The following ADAMTS9 variants were observed in gnomAD, a reference collection of about 807,000 sequenced individuals.
The protein encoded by ADAMTS9 is A disintegrin and metalloproteinase with thrombospondin motifs 9.
Under a neutral mutation model 257.1 loss-of-function variants are expected in ADAMTS9, and 107 were observed. The observed-to-expected ratio is 0.42, with a 90% CI of 0.36 to 0.49. The LOEUF (loss-of-function observed/expected upper bound fraction) is 0.49. Ranked by LOEUF, ADAMTS9 falls within the 20% of genes least tolerant of loss-of-function variation. ADAMTS9 has a pLI of 0.03. For synonymous variants in ADAMTS9, 982 were observed against 880.9 expected, an observed-to-expected ratio of 1.11 and a Z score of -2.03; for missense variants, 2,353 against 2,469.1, an observed-to-expected ratio of 0.95 and a Z score of 1.00.
chr3:64,654,296 A>C (rs1333018994), intron 8 of ADAMTS9, 57 bp downstream of exon 8: 41 of 1,508,320 alleles, frequency 2.7e-5, no homozygotes, highest in Non-Finnish European at 3.6e-5. Flanking sequence ...ACTGATGCGA[A>C]GGAATAAAAG....
rs1419134333 is a variant in ADAMTS9, at chr3:64,588,416, T to C, written c.4356+5842A>G. On this transcript the variant is annotated intron_variant, in intron 28 of 39. Coordinates refer to ENST00000498707, the MANE Select transcript of ADAMTS9 (RefSeq NM_182920.2). The stretch of plus-strand genomic sequence containing the variant: ...GCACTTAGAAAGTATTTGTTAAAAA[T>C]TGATTTTTTTTTTTTAAAGAAACAA... 4 of 145,184 alleles carry C rather than the reference T, an allele frequency of 2.8e-5. No homozygotes were observed. In the East Asian group the frequency reaches 6.0e-4, roughly 22 times the overall value. The allele number at this position is 145,184 out of a possible 1,614,324, so 9.0% of individuals were successfully genotyped here. A position where few individuals can be genotyped will look rare whatever the true frequency, so the allele number is the denominator to read the frequency against.
intron 32 of ADAMTS9, among the ~76,000 whole-genome samples, chr3:64,545,221 C>T (rs142011473): frequency 0.099 from 15,028 of 152,198 alleles, 977 homozygotes; most frequent in Non-Finnish European, 0.15. Flanking sequence ...GGATCTAGAA[C>T]GAGAAATACC....
Position 64,517,416 on chromosome 3 carries a change from G to GTTTTTTTTGT in ADAMTS9, c.*6-296_*6-295insACAAAAAAAA, listed in dbSNP as rs1553698668. Among the ~76,000 whole-genome samples, 14 of 52,666 alleles carry GTTTTTTTTGT rather than the reference G, an allele frequency of 2.7e-4. 3 individuals carry two copies. The South Asian group carries it at 7.7e-3, about 29-fold the overall frequency. The allele number at this position is 52,666 out of a possible 152,430, so 34.6% of individuals were successfully genotyped here. On this transcript the variant is annotated intron_variant, in intron 39 of 39. Transcript: ENST00000498707. ...CATCAAGCCCAGCTAATTAAAAATG[G>GTTTTTTTTGT]TTTTTTTTTTTTTTTTTTTTTTTGC...
chr3:64,633,666 C>T, intron 13 of ADAMTS9, 32 bp downstream of exon 13: 1 of 1,613,628 alleles, frequency 6.2e-7, no homozygotes, highest in East Asian at 2.2e-5. Flanking sequence ...GCCGGCCGGC[C>T]AACGGTGAAC....
intron 3 of ADAMTS9, among the ~76,000 whole-genome samples, chr3:64,661,352 A>G (rs1701217878): frequency 6.6e-6 from 1 of 152,290 alleles, no homozygotes; most frequent in South Asian, 2.1e-4. Flanking sequence ...TCAATTGTTA[A>G]ATCATCAAAT....
chr3:64,582,906 T>C (rs1052557776), intron 28 of ADAMTS9: 1 of 152,226 alleles, frequency 6.6e-6, no homozygotes, highest in African/African-American at 2.4e-5. Flanking sequence ...GAAACCTATA[T>C]ACTCAACTCT....
chr3:64,667,292 A>G (rs1576177620), intron 3 of ADAMTS9, among the ~76,000 whole-genome samples: 2 of 152,348 alleles, frequency 1.3e-5, no homozygotes, highest in Admixed American at 6.5e-5. Flanking sequence ...CATGCACATT[A>G]GCATTTTAAG....
At chr3:64,586,313 A>G (rs899691982) in intron 28 of ADAMTS9, among the ~76,000 whole-genome samples, 1 of 152,110 alleles carries the variant, frequency 6.6e-6, no homozygotes, top group Non-Finnish European at 1.5e-5. Context: ...CCTCCCTATA[A>G]TTATGGGAGG....
In ADAMTS9 at chr3:64,633,717, C is replaced by G; in HGVS notation, c.2019G>C (p.Trp673Cys). The G allele has an allele frequency of 6.2e-7, 1 of 1,613,698 alleles. No individual in the cohort carries two copies. Among genetic ancestry groups the G allele is most frequent in the Non-Finnish European group, 8.5e-7 (1 of 1,179,944 alleles). Residue 673 changes from tryptophan to cysteine, a missense_variant, in exon 13 of 40, where the codon TGG becomes TGC. By Grantham distance (215) the Trp-to-Cys change is radical. This residue lies in a region of ADAMTS9 where 360 missense variants were observed against 458.1 expected (regional missense o/e 0.79). Transcript: ENST00000498707. ...ACTTACTTCCACTGTATTTAGGGAC[C>G]CAGCGCACATTGGGAAGCAGACCGT... ...NINGLLPNVR[W>C]VPKYSGILMK...
chr3:64,614,936 C>A, intron 21 of ADAMTS9: 1 of 157,230 alleles, frequency 6.4e-6, no homozygotes, highest in Non-Finnish European at 1.4e-5. Flanking sequence ...ATTTCAAAGA[C>A]AAGGAAGTAG....
At chr3:64,652,196 G>T (rs1388395789) in intron 8 of ADAMTS9, among the ~76,000 whole-genome samples, 1 of 152,176 alleles carries the variant, frequency 6.6e-6, no homozygotes, top group East Asian at 1.9e-4. Flanking sequence ...AGAAATAAGT[G>T]AGTCAGACAG....
rs952577185 is a variant in ADAMTS9 at position 64,547,060 on chromosome 3, A to G, written c.4870-108T>C. The G allele has an allele frequency of 3.1e-6, 3 of 967,506 alleles. No individual in the cohort carries two copies. In the African/African-American group the frequency reaches 4.9e-5, roughly 16 times the overall value. The allele number at this position is 967,506 out of a possible 1,614,324, so 59.9% of individuals were successfully genotyped here. ...GCTGACCGTGTGACTATGCTGCAGA[A>G]AGCTCCCACTTCATTAGCTTATTTA... On this transcript the variant is annotated intron_variant, in intron 31 of 39. Coordinates refer to ENST00000498707, the MANE Select transcript of ADAMTS9 (RefSeq NM_182920.2).
In ADAMTS9 at chr3:64,586,417, GA is replaced by G. The variant is rs1449065879; in HGVS notation, c.4356+7840del. On this transcript the variant is annotated intron_variant, in intron 28 of 39. Coordinates refer to ENST00000498707, the MANE Select transcript of ADAMTS9 (RefSeq NM_182920.2). ...TTCATTCACTGTCTGAGATATTTCA[GA>G]AGAAAATGGCTTAGGGAGAATCATT... Among the ~76,000 whole-genome samples the G allele has an allele frequency of 3.3e-5, 5 of 152,114 alleles. No homozygotes were observed. In the East Asian group the frequency reaches 9.6e-4, roughly 29 times the overall value.
rs1020698284 is a variant in ADAMTS9 at position 64,597,060 on chromosome 3, T to C, written c.4018-69A>G. 89 of 1,589,338 alleles carry C rather than the reference T, an allele frequency of 5.6e-5. 1 individual carries two copies. The Admixed American group carries it at 1.5e-3, about 27-fold the overall frequency. On this transcript the variant is annotated intron_variant, in intron 26 of 39. Coordinates refer to ENST00000498707, the MANE Select transcript of ADAMTS9 (RefSeq NM_182920.2). ...TCTTAGGGACACAGAAGCAGCTGGT[T>C]GAAAGGTTAAGACAAATGTGCTGAA...
intron 37 of ADAMTS9, among the ~76,000 whole-genome samples, chr3:64,537,951 C>T (rs1016064026): frequency 1.3e-5 from 2 of 152,202 alleles, no homozygotes; most frequent in East Asian, 1.9e-4. Context: ...AAACTTGCCA[C>T]GCCTCTCTCA....
rs754078484 is a variant in ADAMTS9, at chr3:64,596,960, C to T, written c.4049G>A (p.Arg1350Gln). ...TTCATCCTGACATACAACAACACGCCGCTGGGATCCGCCAGCACAGGTACT... is the reference window on the plus strand; with the variant it reads ...TTCATCCTGACATACAACAACACGCTGCTGGGATCCGCCAGCACAGGTACT... ...CSSTCAGGSQ[R>Q]RVVVCQDENG... is the part of the protein sequence containing the mutation. Residue 1350 changes from arginine (R) to glutamine (Q), a missense_variant, in exon 27 of 40, where the codon CGG (arginine) becomes CAG (glutamine). Transcript: ENST00000498707. The T allele has an allele frequency of 1.2e-5, 19 of 1,613,828 alleles. No homozygotes were observed. The highest frequency in any genetic ancestry group is 7.7e-5 in the South Asian group (7 of 91,072).
intron 30 of ADAMTS9, among the ~76,000 whole-genome samples, chr3:64,553,717 A>G (rs2083297510): frequency 6.6e-6 from 1 of 152,064 alleles, no homozygotes; most frequent in South Asian, 2.1e-4. Context: ...GTAAACCTCA[A>G]TATCTAGAAT....
intron 17 of ADAMTS9, 46 bp downstream of exon 17, chr3:64,622,374 T>C (rs527327098): frequency 6.8e-6 from 11 of 1,612,730 alleles, no homozygotes; most frequent in Middle Eastern, 1.7e-4. Context: ...GGCTTAGTAA[T>C]GCCAAGCAGA....
chr3:64,544,380 T>C (rs1469034520), intron 32 of ADAMTS9, among the ~76,000 whole-genome samples: 4 of 152,160 alleles, frequency 2.6e-5, no homozygotes, highest in African/African-American at 9.7e-5. Context: ...CAGGCTACAG[T>C]AACCAAAACA....
Sources: gnomAD v4.1 joint callset for allele counts (sites outside exome capture counted in the v4.1 genomes callset) on GRCh38, gnomAD v4.1.1 for gene constraint, gnomAD v4.1.1 regional missense constraint, MANE v1.5 for transcripts, NCBI Gene and HGNC (gene_info 2026-07-23, HGNC 2026-07-21) for gene names.